R3HDML: variants seen among roughly 807,000 people sequenced by gnomAD.
The protein encoded by R3HDML is R3H domain containing like, also known as peptidase inhibitor R3HDML.
R3HDML carries 21 observed loss-of-function variants against 24.2 expected under a neutral mutation model. That is an observed-to-expected ratio of 0.87 (90% CI 0.62 to 1.25). R3HDML has a LOEUF of 1.25. Among genes scored for constraint, R3HDML ranks in the 50% most tolerant of loss-of-function variants. The pLI is 0.00. For synonymous variants in R3HDML, 133 were observed against 131.5 expected, an observed-to-expected ratio of 1.01 and a Z score of -0.08; for missense variants, 301 against 340.3, an observed-to-expected ratio of 0.88 and a Z score of 0.91.
At chr20:44,339,021 C>A (rs536921591) in intron 1 of R3HDML, among the ~76,000 whole-genome samples, 4 of 148,078 alleles carry the variant, frequency 2.7e-5, no homozygotes, top group Non-Finnish European at 5.9e-5. Context: ...TGCAGTGAGC[C>A]GAGATCCAGC....
chr20:44,339,319 C>T (rs986212872), intron 1 of R3HDML, among the ~76,000 whole-genome samples: 6 of 152,128 alleles, frequency 3.9e-5, no homozygotes, highest in African/African-American at 1.4e-4. Flanking sequence ...ACCCTGAGTC[C>T]TCAGTGCCTA....
At chr20:44,339,825 C>A (rs905887501) in intron 1 of R3HDML, among the ~76,000 whole-genome samples, 4 of 152,078 alleles carry the variant, frequency 2.6e-5, no homozygotes, top group Non-Finnish European at 5.9e-5. Flanking sequence ...GTTGCCCAAG[C>A]TGGAGTGCAG....
chr20:44,340,612 T>C (rs1302568055), intron 1 of R3HDML, among the ~76,000 whole-genome samples: 1 of 152,002 alleles, frequency 6.6e-6, no homozygotes, highest in African/African-American at 2.4e-5. Flanking sequence ...CTGGGCAACA[T>C]GGCAAAACCC....
At chr20:44,350,005 G>A (rs578028350) in intron 4 of R3HDML, among the ~76,000 whole-genome samples, 1 of 152,316 alleles carries the variant, frequency 6.6e-6, no homozygotes, top group East Asian at 1.9e-4. Context: ...AGGAGGCGGA[G>A]GCTGCAGTGA....
At chr20:44,343,326 C>T in intron 2 of R3HDML, 51 bp from the exon 3 acceptor site, 1 of 1,595,352 alleles carries the variant, frequency 6.3e-7, no homozygotes, top group Non-Finnish European at 8.5e-7. Context: ...GGCGGCCGAG[C>T]CACTTTTCCA....
intron 4 of R3HDML, among the ~76,000 whole-genome samples, chr20:44,349,476 C>T (rs1348083766): frequency 6.6e-6 from 1 of 152,136 alleles, no homozygotes; most frequent in Non-Finnish European, 1.5e-5. Flanking sequence ...GCAGCCGGCA[C>T]AAATCCTGAT....
intron 4 of R3HDML, among the ~76,000 whole-genome samples, chr20:44,345,985 A>G (rs558414266): frequency 1.3e-5 from 2 of 151,498 alleles, no homozygotes; most frequent in South Asian, 4.2e-4. Context: ...ACGCCCAGCT[A>G]ATTGTTGTAT....
At chr20:44,347,019 G>A (rs1232112981) in intron 4 of R3HDML, among the ~76,000 whole-genome samples, 2 of 152,100 alleles carry the variant, frequency 1.3e-5, no homozygotes, top group Admixed American at 6.6e-5. Context: ...GCGCGTGCCT[G>A]TAATCCCAGC....
chr20:44,347,868 T>A (rs1192302457), intron 4 of R3HDML: 2 of 152,082 alleles, frequency 1.3e-5, no homozygotes, highest in African/African-American at 4.8e-5. Context: ...AGAAATGGCA[T>A]CTATTGACAA....
At position 44,349,146 on chromosome 20, in the gene R3HDML, T is replaced by TAAATAAAATAAAATA. The variant is rs202024132; in HGVS notation, c.630-1485_630-1471dup. ...TATCTCAAAGTAAAATAAAATAAAATAAATAAAATAAAATAAAATAAAATA... is the reference window on the plus strand; with the variant it reads ...TATCTCAAAGTAAAATAAAATAAAATAAATAAAATAAAATAAAATAAAATAAAATAAAATAAAATA... On this transcript the variant is annotated intron_variant, in intron 4 of 4. Coordinates refer to ENST00000217043, the MANE Select transcript of R3HDML (RefSeq NM_178491.4). Among the ~76,000 whole-genome samples, 487 of 145,864 alleles carry TAAATAAAATAAAATA rather than the reference T, an allele frequency of 3.3e-3. 1 individual carries two copies. Among genetic ancestry groups the TAAATAAAATAAAATA allele is most frequent in the African/African-American group, 0.011 (426 of 39,414 alleles).
At chr20:44,344,131 A>C (rs560341408) in intron 3 of R3HDML, among the ~76,000 whole-genome samples, 1 of 152,274 alleles carries the variant, frequency 6.6e-6, no homozygotes, top group Admixed American at 6.5e-5. Flanking sequence ...AATACAAAAA[A>C]TTAGCCAGGC....
chr20:44,346,205 C>T (rs1348249514), intron 4 of R3HDML, among the ~76,000 whole-genome samples: 2 of 152,068 alleles, frequency 1.3e-5, no homozygotes, highest in Non-Finnish European at 2.9e-5. Flanking sequence ...ACTACAGCCT[C>T]GACTGGCTGG....
chr20:44,346,328 G>A (rs1210394935), intron 4 of R3HDML, among the ~76,000 whole-genome samples: 3 of 151,916 alleles, frequency 2.0e-5, no homozygotes, highest in Non-Finnish European at 4.4e-5. Flanking sequence ...TGCCCAGGCT[G>A]GTCTTGAACT....
intron 3 of R3HDML, among the ~76,000 whole-genome samples, chr20:44,344,243 T>C (rs546072229): frequency 1.3e-3 from 200 of 150,984 alleles, no homozygotes; most frequent in Non-Finnish European, 2.2e-3. Flanking sequence ...ATTGCACTAC[T>C]GCACTCCAGC....
chr20:44,346,469 G>C (rs2146112955), intron 4 of R3HDML, among the ~76,000 whole-genome samples: 1 of 152,322 alleles, frequency 6.6e-6, no homozygotes, highest in Admixed American at 6.5e-5. Context: ...AGACAGGATT[G>C]ACACAGGTGG....
chr20:44,339,459 G>A (rs1480086425), intron 1 of R3HDML, among the ~76,000 whole-genome samples: 2 of 152,072 alleles, frequency 1.3e-5, no homozygotes, highest in Admixed American at 1.3e-4. Context: ...TTCATACATT[G>A]GAAAATTACA....
Position 44,337,503 on chromosome 20 carries a change from C to A in R3HDML, c.261+85C>A. ...ACTCATCTTGGCCTAGAATGACTGG[C>A]TTTGAAGAGCTGGACCACTTGCCTG... On this transcript the variant is annotated intron_variant, in intron 1 of 4. Transcript: ENST00000217043. This position sits in a 1 kb window ranked among gnomAD's most constrained non-coding sequence, Gnocchi z 4.7. The A allele has an allele frequency of 6.9e-7, 1 of 1,452,442 alleles. No individual in the cohort carries two copies. The highest frequency in any genetic ancestry group is 9.4e-7 in the Non-Finnish European group (1 of 1,059,464). The allele number at this position is 1,452,442 out of a possible 1,614,324, so 90.0% of individuals were successfully genotyped here. A position where few individuals can be genotyped will look rare whatever the true frequency, so the allele number is the denominator to read the frequency against.
intron 4 of R3HDML, among the ~76,000 whole-genome samples, chr20:44,348,966 C>T (rs1209396302): frequency 6.6e-6 from 1 of 151,990 alleles, no homozygotes. Context: ...GCCTGGCCAA[C>T]ATAGTGAAAT....
At chr20:44,338,364 C>G (rs915802650) in intron 1 of R3HDML, among the ~76,000 whole-genome samples, 9 of 152,106 alleles carry the variant, frequency 5.9e-5, no homozygotes, top group African/African-American at 1.9e-4. Context: ...CCTTCCTTCA[C>G]GAAGGTGACA....
Sources: allele counts gnomAD v4.1 joint callset (sites outside exome capture counted in the v4.1 genomes callset), GRCh38; gene constraint gnomAD v4.1.1; non-coding constraint Gnocchi (gnomAD v3.1); transcripts MANE v1.5; gene names NCBI Gene and HGNC (gene_info 2026-07-23, HGNC 2026-07-21).